DMD: variants seen among roughly 807,000 people sequenced by gnomAD.
DMD encodes the protein dystrophin, also known as mutant dystrophin.
A neutral mutation model predicts 330.1 loss-of-function variants in DMD; 63 were observed. That is an observed-to-expected ratio of 0.19 (90% CI 0.16 to 0.24). The LOEUF (loss-of-function observed/expected upper bound fraction) is 0.24, where lower values mean the gene tolerates loss of function less well. Among genes scored for constraint, DMD ranks in the 10% least tolerant of loss-of-function variants. The pLI is 1.00. For missense variants in DMD, 3,344 were observed against 2,684.1 expected, an observed-to-expected ratio of 1.25 and a Z score of -5.43; for synonymous variants, 1,223 against 959.8, an observed-to-expected ratio of 1.27 and a Z score of -5.07.
At chrX:31,517,386 C>T (rs929500441) in intron 55 of DMD, among the ~76,000 whole-genome samples, 5 of 111,648 alleles carry the variant, frequency 4.5e-5, no homozygotes, top group African/African-American at 1.6e-4. Context: ...CGAATACCTA[C>T]TGCATGAAGA....
intron 62 of DMD, among the ~76,000 whole-genome samples, chrX:31,313,903 G>A (rs948940687): frequency 1.5e-4 from 16 of 107,529 alleles, no homozygotes; most frequent in South Asian, 8.3e-4. Flanking sequence ...GTGTGATCTC[G>A]GCTCACTGCA....
chrX:33,128,821 T>C lies in DMD; in HGVS notation c.31+82461A>G, dbSNP rs1396996989. On this transcript the variant is annotated intron_variant, in intron 1 of 78. Coordinates refer to ENST00000357033, the MANE Select transcript of DMD (RefSeq NM_004006.3). ...GCTGAAAACACATTTGAACTTCCTA[T>C]GAAAACCAACAGTGCTTGACATACA... 3.6e-5 allele frequency among the ~76,000 whole-genome samples: 4 copies of C among 112,137 alleles called. No individual in the cohort carries two copies. The Admixed American group carries it at 3.8e-4, about 11-fold the overall frequency.
At chrX:31,417,192 G>C (rs2061912915) in intron 60 of DMD, among the ~76,000 whole-genome samples, 1 of 112,654 alleles carries the variant, frequency 8.9e-6, no homozygotes. Context: ...AATGGGGTAA[G>C]TGCTGGGTGA....
chrX:32,787,380 A>G (rs2075475159), intron 7 of DMD, among the ~76,000 whole-genome samples: 1 of 110,420 alleles, frequency 9.1e-6, no homozygotes, highest in Non-Finnish European at 1.9e-5. Flanking sequence ...CACCCAGTAC[A>G]CCAGCTGTGA....
At chrX:32,084,338 A>C (rs1047416446) in intron 44 of DMD, among the ~76,000 whole-genome samples, 1 of 111,018 alleles carries the variant, frequency 9.0e-6, no homozygotes, top group Non-Finnish European at 1.9e-5. Flanking sequence ...TTCCTTCCTG[A>C]GGCCGTGTGA....
At chrX:32,536,280 A>AC (rs1202483233) in intron 17 of DMD, among the ~76,000 whole-genome samples, 3 of 108,044 alleles carry the variant, frequency 2.8e-5, no homozygotes, top group Non-Finnish European at 3.8e-5. Context: ...AAAAAAAAAA[A>AC]AAAAAAAACA....
At chrX:32,471,273 C>T (rs745348541) in intron 22 of DMD, among the ~76,000 whole-genome samples, 17 of 111,551 alleles carry the variant, frequency 1.5e-4, no homozygotes, top group African/African-American at 4.6e-4. Context: ...AATGAAACTC[C>T]GTCTAAAAAT....
chrX:32,798,104 G>A (rs1029569947), intron 7 of DMD, among the ~76,000 whole-genome samples: 1 of 111,697 alleles, frequency 9.0e-6, no homozygotes, highest in African/African-American at 3.3e-5. Flanking sequence ...GAATGTGAAA[G>A]ATTAGTAGAA....
intron 51 of DMD, among the ~76,000 whole-genome samples, chrX:31,746,597 T>C (rs1486063760): frequency 9.0e-6 from 1 of 111,720 alleles, no homozygotes; most frequent in Non-Finnish European, 1.9e-5. Context: ...AATTAAGACA[T>C]ATGTTATATA....
At chrX:32,690,079 AAAAGT>A (rs1425088948) in intron 9 of DMD, among the ~76,000 whole-genome samples, 3 of 110,692 alleles carry the variant, frequency 2.7e-5, no homozygotes, top group African/African-American at 9.8e-5. Context: ...GCAAAAAAAA[AAAAGT>A]AAAGGTATAT....
intron 13 of DMD, among the ~76,000 whole-genome samples, chrX:32,592,690 C>T (rs1307822996): frequency 1.8e-5 from 2 of 112,119 alleles, no homozygotes; most frequent in African/African-American, 6.5e-5. Context: ...CTGAAACATG[C>T]CCCCCACTCA....
intron 76 of DMD, among the ~76,000 whole-genome samples, chrX:31,141,410 T>C (rs985945579): frequency 8.9e-5 from 10 of 111,742 alleles, no homozygotes; most frequent in African/African-American, 3.3e-4. Context: ...ATGATATAAT[T>C]TGAATGGTAG....
At chrX:32,652,547 T>A in intron 9 of DMD, among the ~76,000 whole-genome samples, 1 of 110,607 alleles carries the variant, frequency 9.0e-6, no homozygotes, top group Non-Finnish European at 1.9e-5. Context: ...CGATGGACAT[T>A]TGGGTTGGTT....
chrX:33,073,725 G>A (rs1316458406), intron 1 of DMD, among the ~76,000 whole-genome samples: 1 of 109,772 alleles, frequency 9.1e-6, no homozygotes, highest in African/African-American at 3.3e-5. Context: ...CTAGCTACTC[G>A]AGAGGCTGAG....
chrX:31,541,161 G>A (rs1211118097), intron 55 of DMD, among the ~76,000 whole-genome samples: 2 of 111,106 alleles, frequency 1.8e-5, no homozygotes, highest in African/African-American at 3.3e-5. Flanking sequence ...CTAGTGAGAC[G>A]GAGAGACTGA....
rs781768012 is a variant in DMD at position 32,728,854 on chromosome X, G to A, written c.650-29561C>T. Among the ~76,000 whole-genome samples the A allele has an allele frequency of 1.0e-3, 111 of 111,492 alleles. 1 individual carries two copies. The highest frequency in any genetic ancestry group is 1.0e-3 in the Non-Finnish European group (54 of 53,022). ...GTTCTTAAACTGAAGAAGGCCTGAC[G>A]TTGGCCATAGCCACTTAAACACTGT... On this transcript the variant is annotated intron_variant, in intron 7 of 78. Coordinates refer to ENST00000357033, the MANE Select transcript of DMD (RefSeq NM_004006.3).
intron 62 of DMD, among the ~76,000 whole-genome samples, chrX:31,288,574 C>T (rs186131492): frequency 1.4e-4 from 16 of 111,860 alleles, no homozygotes; most frequent in African/African-American, 4.9e-4. Context: ...ATTAAGATAA[C>T]GGCTATAGTC....
At chrX:32,916,486 C>T (rs951383683) in intron 2 of DMD, among the ~76,000 whole-genome samples, 1 of 111,535 alleles carries the variant, frequency 9.0e-6, no homozygotes, top group African/African-American at 3.2e-5. Context: ...TCCCTTTAGA[C>T]ATCATTAAAT....
intron 44 of DMD, among the ~76,000 whole-genome samples, chrX:32,039,996 T>C (rs1315116898): frequency 1.8e-5 from 2 of 112,330 alleles, no homozygotes; most frequent in Non-Finnish European, 3.8e-5. Flanking sequence ...CACAGACATA[T>C]GTAATTTTAA....
Sources: gnomAD v4.1 joint callset for allele counts (sites outside exome capture counted in the v4.1 genomes callset) on GRCh38, gnomAD v4.1.1 for gene constraint, MANE v1.5 for transcripts, NCBI Gene and HGNC (gene_info 2026-07-23, HGNC 2026-07-21) for gene names.